The following ARSG variants were observed in gnomAD, a reference collection of about 807,000 sequenced individuals.
ARSG encodes the protein arylsulfatase G, also known as ASG.
In ARSG, 37 loss-of-function variants were observed where a neutral mutation model predicts 50.5. The ratio of observed to expected loss-of-function variants is 0.73; its 90% CI spans 0.56 to 0.96. The LOEUF is 0.96. Among genes scored for constraint, ARSG ranks in the 50% least tolerant of loss-of-function variants. The pLI is 0.00. For synonymous variants in ARSG, 225 were observed against 254.6 expected, an observed-to-expected ratio of 0.88 and a Z score of 1.11; for missense variants, 629 against 675.3, an observed-to-expected ratio of 0.93 and a Z score of 0.76.
At chr17:68,280,709 T>C (rs1374093547) in intron 1 of ARSG, among the ~76,000 whole-genome samples, 4 of 152,180 alleles carry the variant, frequency 2.6e-5, no homozygotes, top group Non-Finnish European at 4.4e-5. Flanking sequence ...GGGGAAACAC[T>C]TTAGGACATT....
chr17:68,277,856 T>G (rs1246388239), intron 1 of ARSG, among the ~76,000 whole-genome samples: 1 of 152,220 alleles, frequency 6.6e-6, no homozygotes, highest in Non-Finnish European at 1.5e-5. Context: ...GTTTAATACA[T>G]GTGTGTTAAA....
chr17:68,318,965 C>T (rs1019624914), intron 2 of ARSG, among the ~76,000 whole-genome samples: 11 of 152,178 alleles, frequency 7.2e-5, no homozygotes, highest in African/African-American at 2.7e-4. Context: ...ACCCTGTTAC[C>T]TCTCAGACCT....
At chr17:68,421,773 T>C, downstream of ARSG, 1 of 1,614,232 alleles carries the variant, frequency 6.2e-7, no homozygotes, top group Non-Finnish European at 8.5e-7. Context: ...GTGCTTCTCA[T>C]CATGACTGCT....
chr17:68,435,324 T>C, the ARSG span, among the ~76,000 whole-genome samples: 1 of 152,188 alleles, frequency 6.6e-6, no homozygotes, highest in Non-Finnish European at 1.5e-5. Context: ...GTTTATAAGG[T>C]GTAGCATTTG....
intron 1 of ARSG, among the ~76,000 whole-genome samples, chr17:68,302,960 G>T (rs1004560515): frequency 6.6e-6 from 1 of 152,148 alleles, no homozygotes; most frequent in African/African-American, 2.4e-5. Flanking sequence ...AGCCAGGAGT[G>T]CTCCTTCCCT....
the ARSG span, chr17:68,440,794 G>A: frequency 6.6e-6 from 1 of 152,120 alleles, no homozygotes; most frequent in Non-Finnish European, 1.5e-5. Flanking sequence ...TTCTCATCTT[G>A]GTATTTAAAG....
intron 6 of ARSG, among the ~76,000 whole-genome samples, chr17:68,358,470 C>T (rs1481970153): frequency 6.6e-6 from 1 of 151,904 alleles, no homozygotes; most frequent in Non-Finnish European, 1.5e-5. Context: ...AGGCAGATCA[C>T]CTGAATTCAG....
chr17:68,369,762 G>C (rs2079732349), intron 7 of ARSG, among the ~76,000 whole-genome samples: 1 of 152,134 alleles, frequency 6.6e-6, no homozygotes, highest in South Asian at 2.1e-4. Flanking sequence ...GAAACACTGG[G>C]TGCATAATAG....
intron 6 of ARSG, among the ~76,000 whole-genome samples, chr17:68,358,063 C>T (rs1265300740): frequency 1.3e-5 from 2 of 151,760 alleles, no homozygotes; most frequent in African/African-American, 4.8e-5. Context: ...ATTAGCTGGG[C>T]GTGGTGATCT....
chr17:68,372,845 GCCT>G (rs1163969616), intron 8 of ARSG, among the ~76,000 whole-genome samples: 2 of 149,554 alleles, frequency 1.3e-5, no homozygotes, highest in Non-Finnish European at 3.0e-5. Flanking sequence ...AGCATTGTGC[GCCT>G]CAATTCTGGT....
the ARSG span, among the ~76,000 whole-genome samples, chr17:68,450,384 TC>T: frequency 6.6e-6 from 1 of 152,144 alleles, no homozygotes; most frequent in Admixed American, 6.5e-5. Flanking sequence ...GAAGAGTCGC[TC>T]CTCTGATTTA....
chr17:68,333,241 G>A (rs1201764593), intron 2 of ARSG, among the ~76,000 whole-genome samples: 1 of 152,242 alleles, frequency 6.6e-6, no homozygotes, highest in Non-Finnish European at 1.5e-5. Flanking sequence ...AGAATGGCGT[G>A]AACGTGGGAG....
rs373761419 is a variant in ARSG at position 68,358,688 on chromosome 17, CA to C, written c.704+1895del. Among the ~76,000 whole-genome samples the C allele has an allele frequency of 7.8e-3, 1,123 of 143,700 alleles. 15 individuals carry two copies. Among genetic ancestry groups the C allele is most frequent in the African/African-American group, 0.024 (940 of 39,038 alleles). The allele number at this position is 143,700 out of a possible 152,430, so 94.3% of individuals were successfully genotyped here. A position where few individuals can be genotyped will look rare whatever the true frequency, so the allele number is the denominator to read the frequency against. On this transcript the variant is annotated intron_variant, in intron 6 of 11. Coordinates refer to ENST00000621439, the MANE Select transcript of ARSG (RefSeq NM_001267727.2). ...TGGGCGACAGAGCAAGACTCTGTCT[CA>C]AAAAAAAAAATTAATACAAGTTATT... is the stretch of plus-strand genomic sequence containing the variant.
the ARSG span, among the ~76,000 whole-genome samples, chr17:68,429,281 G>T: frequency 6.6e-6 from 1 of 152,176 alleles, no homozygotes; most frequent in Non-Finnish European, 1.5e-5. Flanking sequence ...CAGAAAGGGG[G>T]TAAATGGAGG....
downstream of ARSG, chr17:68,421,653 C>T: frequency 7.1e-7 from 1 of 1,410,290 alleles, no homozygotes. Flanking sequence ...AGCAGTGGAG[C>T]ACCCGGGATT....
chr17:68,406,101 C>T (rs993365346), intron 11 of ARSG, among the ~76,000 whole-genome samples: 1 of 152,278 alleles, frequency 6.6e-6, no homozygotes, highest in Middle Eastern at 3.4e-3. Flanking sequence ...TTATGTCCTC[C>T]TCATAACTTA....
At chr17:68,388,969 T>G (rs1002395082) in intron 9 of ARSG, among the ~76,000 whole-genome samples, 5 of 151,168 alleles carry the variant, frequency 3.3e-5, no homozygotes, top group Non-Finnish European at 5.9e-5. Flanking sequence ...AGCTGCTGTG[T>G]AGCCAGAAGA....
chr17:68,416,621 G>A (rs544980823), intron 11 of ARSG, among the ~76,000 whole-genome samples: 2 of 152,080 alleles, frequency 1.3e-5, no homozygotes, highest in South Asian at 2.1e-4. Flanking sequence ...AGATTTGGTC[G>A]TTTAACATAA....
chr17:68,322,909 G>C (rs903512621), intron 2 of ARSG, among the ~76,000 whole-genome samples: 1 of 152,252 alleles, frequency 6.6e-6, no homozygotes, highest in South Asian at 2.1e-4. Context: ...TTTTGGTGAG[G>C]GCTCTTTCCT....
Sources: gnomAD v4.1 joint callset for allele counts (sites outside exome capture counted in the v4.1 genomes callset) on GRCh38, gnomAD v4.1.1 for gene constraint, MANE v1.5 for transcripts, NCBI Gene and HGNC (gene_info 2026-07-23, HGNC 2026-07-21) for gene names.